The following RGS8 variants were observed in gnomAD, a reference collection of about 807,000 sequenced individuals.
The protein encoded by RGS8 is regulator of G protein signaling 8, also known as regulator of G-protein signaling 8.
In RGS8, 8 loss-of-function variants were observed where a neutral mutation model predicts 21.7. The observed-to-expected ratio is 0.37, with a 90% CI of 0.22 to 0.66. The LOEUF is 0.66. Among genes scored for constraint, RGS8 ranks in the 30% least tolerant of loss-of-function variants. The probability of loss-of-function intolerance (pLI) is 0.59; values close to 1 mark genes in which losing one functional copy is unlikely to be tolerated. For missense variants in RGS8, 157 were observed against 217.9 expected, an observed-to-expected ratio of 0.72 and a Z score of 1.76; for synonymous variants, 80 against 83.6, an observed-to-expected ratio of 0.96 and a Z score of 0.24.
chr1:182,711,932 G>A, the RGS8 span, among the ~76,000 whole-genome samples: 127 of 152,280 alleles, frequency 8.3e-4, 1 homozygote, highest in Non-Finnish European at 4.0e-4. Context: ...TTCTTGAGCC[G>A]TTGCTTGCAT....
chr1:182,742,054 A>C, the RGS8 span, among the ~76,000 whole-genome samples: 117 of 113,248 alleles, frequency 1.0e-3, no homozygotes, highest in Non-Finnish European at 4.3e-4. Context: ...CGCTCCTCAC[A>C]TCCCGGACGG....
chr1:182,672,316 A>AG (rs1207282942), upstream of RGS8: 15 of 180,038 alleles, frequency 8.3e-5, no homozygotes, highest in East Asian at 1.5e-4. Flanking sequence ...ATGAGCCAGG[A>AG]GGAGGGGGGC....
downstream of RGS8, chr1:182,643,658 A>C (rs1280259023): frequency 1.3e-5 from 2 of 152,256 alleles, no homozygotes. Context: ...CCTGGGAATT[A>C]GCACGTGTCA....
chr1:182,715,406 TG>T, the RGS8 span, among the ~76,000 whole-genome samples: 20 of 152,320 alleles, frequency 1.3e-4, no homozygotes, highest in African/African-American at 4.8e-4. Flanking sequence ...ACTCCCCATC[TG>T]GCTTCTTCTC....
chr1:182,680,396 C>T (rs1664500875), intron 1 of RGS8, among the ~76,000 whole-genome samples: 1 of 152,144 alleles, frequency 6.6e-6, no homozygotes, highest in South Asian at 2.1e-4. Flanking sequence ...TATTTCATTT[C>T]CTCTGCCCAG....
chr1:182,652,226 A>G (rs1663054585), intron 5 of RGS8, among the ~76,000 whole-genome samples: 1 of 152,242 alleles, frequency 6.6e-6, no homozygotes, highest in Non-Finnish European at 1.5e-5. Context: ...AAACAGAAAC[A>G]GGTGCTTATG....
At chr1:182,697,606 A>G in the RGS8 span, among the ~76,000 whole-genome samples, 1 of 152,266 alleles carries the variant, frequency 6.6e-6, no homozygotes, top group Non-Finnish European at 1.5e-5. Flanking sequence ...AAGAACCCTT[A>G]CAAGATGCTA....
At chr1:182,746,836 C>T in the RGS8 span, among the ~76,000 whole-genome samples, 1 of 152,036 alleles carries the variant, frequency 6.6e-6, no homozygotes, top group African/African-American at 2.4e-5. Context: ...CCCATTTAAA[C>T]AAAAGACAAT....
intron 5 of RGS8, among the ~76,000 whole-genome samples, chr1:182,656,308 A>AC (rs1262366511): frequency 1.3e-5 from 2 of 152,088 alleles, no homozygotes; most frequent in Non-Finnish European, 2.9e-5. Flanking sequence ...AGGCAAACAC[A>AC]CCACACACAT....
Position 182,669,610 on chromosome 1 carries a change from C to CA in RGS8, c.26+13dup, listed in dbSNP as rs749326630. 1.2e-6 allele frequency: 2 copies of CA among 1,614,210 alleles called. No homozygotes were observed. The highest frequency in any genetic ancestry group is 1.7e-6 in the Non-Finnish European group (2 of 1,180,046). ...AAGGGTCAGGGGCAAGAAAACAGGC[C>CA]ATTGATTCATTACCTGCGTGGCATC... On this transcript the variant is annotated intron_variant, in intron 3 of 6. Coordinates refer to ENST00000483095, the Ensembl canonical transcript of RGS8.
chr1:182,641,999 C>G (rs1253869653), downstream of RGS8: 1 of 152,136 alleles, frequency 6.6e-6, no homozygotes, highest in South Asian at 2.1e-4. Context: ...CTAATGCTAC[C>G]GGGGTTGGAG....
intron 5 of RGS8, among the ~76,000 whole-genome samples, chr1:182,655,900 C>T (rs185127101): frequency 4.1e-4 from 62 of 152,290 alleles, no homozygotes; most frequent in African/African-American, 1.4e-3. Context: ...CTTACATCAA[C>T]GCTCCTAAGC....
intron 5 of RGS8, among the ~76,000 whole-genome samples, chr1:182,660,610 T>G (rs1191064688): frequency 6.6e-6 from 1 of 150,946 alleles, no homozygotes; most frequent in South Asian, 2.1e-4. Context: ...GGATTCACAA[T>G]GTACTGCTAG....
chr1:182,662,963 A>G (rs5779144), intron 5 of RGS8, among the ~76,000 whole-genome samples: 21 of 129,376 alleles, frequency 1.6e-4, no homozygotes, highest in Middle Eastern at 3.4e-3. Flanking sequence ...GGAGGGGGGG[A>G]AATAATCATC....
At chr1:182,674,138 G>A (rs1228306733), upstream of RGS8, among the ~76,000 whole-genome samples, 1 of 152,154 alleles carries the variant, frequency 6.6e-6, no homozygotes, top group Non-Finnish European at 1.5e-5. Context: ...CTTTCTACCA[G>A]CACTAAAACA....
chr1:182,722,503 C>G, the RGS8 span, among the ~76,000 whole-genome samples: 1 of 152,036 alleles, frequency 6.6e-6, no homozygotes, highest in Admixed American at 6.6e-5. Flanking sequence ...AAAAATCTCT[C>G]CTTGGCTCTT....
chr1:182,704,546 T>C, the RGS8 span, among the ~76,000 whole-genome samples: 2 of 152,224 alleles, frequency 1.3e-5, no homozygotes, highest in Admixed American at 1.3e-4. Context: ...TGGACCCATA[T>C]GCAGAATGGG....
the RGS8 span, among the ~76,000 whole-genome samples, chr1:182,725,519 A>C: frequency 4.2e-4 from 64 of 152,262 alleles, no homozygotes; most frequent in Admixed American, 9.2e-4. Flanking sequence ...AGAACACACG[A>C]GATGGGGACA....
the RGS8 span, among the ~76,000 whole-genome samples, chr1:182,729,941 C>T: frequency 1.3e-5 from 2 of 152,184 alleles, no homozygotes; most frequent in African/African-American, 4.8e-5. Flanking sequence ...ATAGGCCACG[C>T]TTGGCAGACC....
Sources: allele counts gnomAD v4.1 joint callset (sites outside exome capture counted in the v4.1 genomes callset), GRCh38; gene constraint gnomAD v4.1.1; transcripts MANE v1.5; gene names NCBI Gene and HGNC (gene_info 2026-07-23, HGNC 2026-07-21).